Variants in GPR107 observed in about 807,000 individuals in gnomAD.
GPR107 encodes G protein-coupled receptor 107, also known as protein GPR107.
In GPR107, 31 loss-of-function variants were observed where a neutral mutation model predicts 75.5. The observed-to-expected ratio is 0.41, with a 90% CI of 0.31 to 0.55. GPR107 has a LOEUF of 0.55. Among genes scored for constraint, GPR107 ranks in the 20% least tolerant of loss-of-function variants. The probability of loss-of-function intolerance (pLI) is 0.26; values close to 1 mark genes in which losing one functional copy is unlikely to be tolerated. For synonymous variants in GPR107, 267 were observed against 251.3 expected (o/e 1.06, Z -0.59); for missense variants, 572 against 665.7 (o/e 0.86, Z 1.55).
Position 130,126,655 on chromosome 9 carries a change from T to C in GPR107, c.1357-828T>C, listed in dbSNP as rs112693748. 6.7e-3 allele frequency among the ~76,000 whole-genome samples: 1,016 copies of C among 152,326 alleles called. 17 individuals are homozygous for C. Among genetic ancestry groups the C allele is most frequent in the African/African-American group, 0.023 (940 of 41,582 alleles). ...GTGAGCCATCGCGCCCGGCCCTGTT[T>C]CCAAGTCTTTCATCTGTTCGTTTGG... On this transcript the variant is annotated intron_variant, in intron 15 of 17. Transcript: ENST00000347136.
At chr9:130,069,973 G>C (rs577966489) in intron 1 of GPR107, among the ~76,000 whole-genome samples, 1 of 132,628 alleles carries the variant, frequency 7.5e-6, no homozygotes. Flanking sequence ...ATAAGCCACC[G>C]TGCCTGGCCT....
chr9:130,091,095 C>T (rs1830723390), intron 8 of GPR107, 112 bp downstream of exon 8: 2 of 651,852 alleles, frequency 3.1e-6, no homozygotes, highest in Middle Eastern at 2.5e-4. Flanking sequence ...TGTGGGCAGA[C>T]ACACATTCCT....
At chr9:130,100,117 G>GATCA (rs1830986087) in intron 10 of GPR107, among the ~76,000 whole-genome samples, 2 of 151,668 alleles carry the variant, frequency 1.3e-5, no homozygotes, top group Admixed American at 6.6e-5. Context: ...GGATGGTCTC[G>GATCA]ATCTCCTGAC....
In GPR107 at chr9:130,092,269, C is replaced by A; in HGVS notation, c.751C>A (p.Pro251Thr). The A allele has an allele frequency of 6.2e-7, 1 of 1,610,342 alleles. No homozygotes were observed. ...TCAGATTGAGATCACAGAGAAGAAT[C>A]CTGACAGCTACCTCTCAGCAGGAGA... ...SLDIEITEKN[P>T]DSYLSAGEIP... The change falls in exon 9 of 18, where the codon CCT (proline) becomes ACT (threonine). Residue 251 changes from proline to threonine, a missense_variant. Physicochemically the swap from Pro to Thr is conservative, Grantham distance 38. Transcript: ENST00000347136.
intron 6 of GPR107, among the ~76,000 whole-genome samples, chr9:130,084,047 CATATATATAT>C (rs139002438): frequency 7.6e-6 from 1 of 130,908 alleles, no homozygotes; most frequent in Non-Finnish European, 1.6e-5. Flanking sequence ...AGAGAGCTAA[CATATATATAT>C]ATATATATAT....
chr9:130,086,787 C>T (rs1830624712), intron 7 of GPR107, among the ~76,000 whole-genome samples: 1 of 152,100 alleles, frequency 6.6e-6, no homozygotes, highest in Non-Finnish European at 1.5e-5. Flanking sequence ...TGCTACCTCC[C>T]ATTCAAAGTG....
At chr9:130,073,598 G>C (rs931641186) in intron 1 of GPR107, among the ~76,000 whole-genome samples, 1 of 152,126 alleles carries the variant, frequency 6.6e-6, no homozygotes, top group Non-Finnish European at 1.5e-5. Context: ...TCACCACATA[G>C]CCAAGCTCCT....
intron 1 of GPR107, among the ~76,000 whole-genome samples, chr9:130,072,477 C>T (rs1830233428): frequency 6.6e-6 from 1 of 152,006 alleles, no homozygotes; most frequent in Admixed American, 6.6e-5. Flanking sequence ...CCTCGGCCTC[C>T]CAAAGTGCCG....
At chr9:130,076,511 C>A (rs1413042685) in intron 3 of GPR107, 49 bp downstream of exon 3, 1 of 1,147,752 alleles carries the variant, frequency 8.7e-7, no homozygotes, top group South Asian at 1.2e-5. Flanking sequence ...TGAGCCCAGG[C>A]CATTGAACGG....
chr9:130,132,980 G>A (rs1168569675), intron 17 of GPR107: 2 of 151,810 alleles, frequency 1.3e-5, no homozygotes, highest in Non-Finnish European at 2.9e-5. Flanking sequence ...CCATCTTGTG[G>A]GCCAGATCCT....
intron 7 of GPR107, among the ~76,000 whole-genome samples, chr9:130,090,314 TTTA>T (rs1231295139): frequency 1.3e-5 from 2 of 152,212 alleles, no homozygotes; most frequent in African/African-American, 4.8e-5. Context: ...AAATGTAGCC[TTTA>T]TTATTCTTCT....
At chr9:130,115,978 AC>A (rs1001336732) in intron 14 of GPR107, among the ~76,000 whole-genome samples, 6 of 152,198 alleles carry the variant, frequency 3.9e-5, no homozygotes, top group African/African-American at 7.2e-5. Context: ...TCTTGTCATT[AC>A]TTTTCCTTAG....
At chr9:130,088,313 G>T (rs578049440) in intron 7 of GPR107, among the ~76,000 whole-genome samples, 1 of 152,224 alleles carries the variant, frequency 6.6e-6, no homozygotes, top group Non-Finnish European at 1.5e-5. Flanking sequence ...AGGCAGGAAT[G>T]CTGTCTCTCA....
intron 1 of GPR107, among the ~76,000 whole-genome samples, chr9:130,064,101 C>G (rs1300981117): frequency 6.6e-6 from 1 of 151,572 alleles, no homozygotes; most frequent in African/African-American, 2.4e-5. Flanking sequence ...GTGTGAGCCA[C>G]TGCGCCCAGC....
intron 4 of GPR107, among the ~76,000 whole-genome samples, chr9:130,077,881 T>G (rs1051400213): frequency 6.6e-6 from 1 of 152,020 alleles, no homozygotes; most frequent in African/African-American, 2.4e-5. Context: ...TTGAAAATGT[T>G]GAGGCCGGGC....
At position 130,053,972 on chromosome 9, in the gene GPR107, G is replaced by A. The variant is rs1829648390; in HGVS notation, c.40G>A (p.Gly14Ser). 1 of 1,554,566 alleles carries A rather than the reference G, an allele frequency of 6.4e-7. No individual in the cohort carries two copies. Among genetic ancestry groups the A allele is most frequent in the Non-Finnish European group, 8.7e-7 (1 of 1,150,366 alleles). The change falls in exon 1 of 18, where the codon GGT becomes AGT. Residue 14 changes from glycine (G) to serine (S), a missense_variant. Physicochemically the swap from Gly to Ser is moderately conservative, Grantham distance 56. Coordinates refer to ENST00000347136, the MANE Select transcript of GPR107 (RefSeq NM_020960.5). ...GCCCGTCGGCTCCCCCGCCTCCCGC[G>A]GTCCTAGGCTGGCCGCGGGCCTCCG... ...LAPVGSPASR[G>S]PRLAAGLRLL... is the part of the protein sequence containing the mutation.
At chr9:130,077,251 C>G in intron 3 of GPR107, 48 bp from the exon 4 acceptor site, 1 of 954,230 alleles carries the variant, frequency 1.0e-6, no homozygotes, top group Non-Finnish European at 1.7e-6. Context: ...TGTTCTTGTT[C>G]TAGTGTGAAT....
At chr9:130,124,859 T>C (rs1831633382) in intron 14 of GPR107, 56 bp from the exon 15 acceptor site, 2 of 1,083,068 alleles carry the variant, frequency 1.8e-6, no homozygotes, top group South Asian at 2.9e-5. Flanking sequence ...GAATGAGGCT[T>C]ACTTTTAAAA....
In GPR107 at chr9:130,135,129, G is replaced by A. The variant is rs782808423; in HGVS notation, c.*8G>A. On this transcript the variant is annotated 3_prime_UTR_variant, in exon 18 of 18. Coordinates refer to ENST00000347136, the MANE Select transcript of GPR107 (RefSeq NM_020960.5). ...TGGGAAGGCGCCGTGTGACAGAGCC[G>A]ACCCTGAGGATGGCACTGTCCAAGG... The A allele has an allele frequency of 1.9e-5, 29 of 1,512,178 alleles. No homozygotes were observed. The highest frequency in any genetic ancestry group is 5.5e-5 in the African/African-American group (4 of 72,922). 93.7% of individuals were successfully genotyped at this position (1,512,178 alleles called of 1,614,324 possible). A position where few individuals can be genotyped will look rare whatever the true frequency, so the allele number is the denominator to read the frequency against.
Sources: allele counts gnomAD v4.1 joint callset (sites outside exome capture counted in the v4.1 genomes callset), GRCh38; gene constraint gnomAD v4.1.1; transcripts MANE v1.5; gene names NCBI Gene and HGNC (gene_info 2026-07-23, HGNC 2026-07-21).